Variants in SERAC1 observed in about 807,000 individuals in gnomAD.
The protein encoded by SERAC1 is protein SERAC1.
Under a neutral mutation model 85.7 loss-of-function variants are expected in SERAC1, and 36 were observed. The observed-to-expected ratio is 0.42, with a 90% CI of 0.32 to 0.55. The LOEUF is 0.55. SERAC1 is among the 20% of genes least tolerant of loss of function. The pLI is 0.11. For synonymous variants in SERAC1, 242 were observed against 265.3 expected (o/e 0.91, Z 0.85); for missense variants, 629 against 796.2 (o/e 0.79, Z 2.53).
At chr6:158,123,654 C>G (rs1035303506) in intron 10 of SERAC1, among the ~76,000 whole-genome samples, 4 of 152,174 alleles carry the variant, frequency 2.6e-5, no homozygotes, top group Admixed American at 6.5e-5. Context: ...TGCAATGATT[C>G]CACGTTCAGC....
In SERAC1 at chr6:158,128,156, CA is replaced by C. The variant is rs751547630; in HGVS notation, c.966del (p.Ile322MetfsTer6). On this transcript the variant is annotated frameshift_variant, in exon 10 of 17. Coordinates refer to ENST00000647468, the MANE Select transcript of SERAC1 (RefSeq NM_032861.4). LOFTEE classifies it high-confidence loss of function. ...PKVQRNIMRV[I>X]GNMALNEHLH... is the part of the protein sequence containing the mutation. ...AGATGTTCATTCAAAGCCATATTTC[CA>C]ATGACACGCATTATATTTCTCTGTA... is the stretch of plus-strand genomic sequence containing the variant. 6.2e-7 allele frequency: 1 copy of C among 1,614,046 alleles called. No individual in the cohort carries two copies. Among genetic ancestry groups the C allele is most frequent in the Admixed American group, 1.7e-5 (1 of 60,010 alleles).
At chr6:158,164,060 C>T (rs1415228508) in intron 1 of SERAC1, among the ~76,000 whole-genome samples, 3 of 151,836 alleles carry the variant, frequency 2.0e-5, no homozygotes, top group Non-Finnish European at 2.9e-5. Flanking sequence ...TAAAGTAAGT[C>T]TTGAAGCTAG....
intron 3 of SERAC1, among the ~76,000 whole-genome samples, chr6:158,154,655 C>T (rs1402299335): frequency 6.6e-6 from 1 of 152,176 alleles, no homozygotes; most frequent in Non-Finnish European, 1.5e-5. Flanking sequence ...ACACATGCTC[C>T]TGAGGGAGCA....
intron 3 of SERAC1, among the ~76,000 whole-genome samples, chr6:158,154,938 T>C (rs1325776467): frequency 1.3e-5 from 2 of 151,948 alleles, no homozygotes; most frequent in East Asian, 3.9e-4. Flanking sequence ...CGGAGCTGAG[T>C]GAGTGCCTGA....
chr6:158,123,991 T>C (rs775132539), intron 10 of SERAC1, among the ~76,000 whole-genome samples: 26 of 152,122 alleles, frequency 1.7e-4, no homozygotes, highest in Non-Finnish European at 3.8e-4. Flanking sequence ...AGGTTCAATG[T>C]ATGACTTAGG....
At chr6:158,156,012 G>GGATAATTACA (rs1554265106) in intron 2 of SERAC1, among the ~76,000 whole-genome samples, 1 of 152,076 alleles carries the variant, frequency 6.6e-6, no homozygotes. Flanking sequence ...ATCCAGGCAT[G>GGATAATTACA]GTGGCGCATG....
At chr6:158,143,274 T>A (rs1387921352) in intron 7 of SERAC1, 90 bp from the exon 8 acceptor site, 2 of 1,499,324 alleles carry the variant, frequency 1.3e-6, no homozygotes, top group African/African-American at 2.8e-5. Flanking sequence ...ATATTTGCCA[T>A]ATATATCAAA....
intron 10 of SERAC1, among the ~76,000 whole-genome samples, chr6:158,127,165 A>G (rs1784558550): frequency 6.6e-6 from 1 of 152,176 alleles, no homozygotes; most frequent in African/African-American, 2.4e-5. Flanking sequence ...ATCTCAAGCA[A>G]TTCCTTGCCT....
At chr6:158,145,332 T>G (rs1451141310) in intron 6 of SERAC1, 2 of 152,166 alleles carry the variant, frequency 1.3e-5, no homozygotes, top group Non-Finnish European at 2.9e-5. Context: ...CTTCCTCTGA[T>G]TTCTCTGATA....
At chr6:158,124,748 A>AACACACAC (rs201023302) in intron 10 of SERAC1, among the ~76,000 whole-genome samples, 62 of 131,474 alleles carry the variant, frequency 4.7e-4, no homozygotes, top group Middle Eastern at 3.7e-3. Context: ...AATGCTGGAA[A>AACACACAC]ACACACACAC....
chr6:158,156,359 A>C (rs1336842339), intron 2 of SERAC1, among the ~76,000 whole-genome samples: 1 of 152,148 alleles, frequency 6.6e-6, no homozygotes, highest in Non-Finnish European at 1.5e-5. Flanking sequence ...CTCTGTAGCT[A>C]GGGCTAACAG....
chr6:158,145,522 CTT>C (rs770977567), intron 6 of SERAC1, among the ~76,000 whole-genome samples: 15 of 129,172 alleles, frequency 1.2e-4, no homozygotes, highest in Admixed American at 2.4e-4. Flanking sequence ...GAGAATTTTT[CTT>C]TTTTTTTTTT....
intron 16 of SERAC1, chr6:158,111,704 C>T (rs898090867): frequency 2.3e-6 from 1 of 431,708 alleles, no homozygotes. Context: ...GTCAGTAGAA[C>T]CATAGTTTTA....
chr6:158,152,062 T>C (rs2128422887), intron 3 of SERAC1, among the ~76,000 whole-genome samples: 1 of 152,244 alleles, frequency 6.6e-6, no homozygotes, highest in African/African-American at 2.4e-5. Context: ...AGGTTAATTA[T>C]TGAAGAAAAA....
intron 1 of SERAC1, among the ~76,000 whole-genome samples, 182 bp downstream of exon 1, chr6:158,167,958 G>A (rs1217742762): frequency 6.6e-6 from 1 of 151,460 alleles, no homozygotes; most frequent in African/African-American, 2.4e-5. Flanking sequence ...TCAGGCTCGC[G>A]ACCACCAGAG....
chr6:158,153,983 A>AAAT (rs140381358), intron 3 of SERAC1, among the ~76,000 whole-genome samples: 111 of 150,834 alleles, frequency 7.4e-4, no homozygotes, highest in African/African-American at 1.9e-3. Context: ...ATACAAATAC[A>AAAT]AATAATAATA....
At chr6:158,147,805 A>G (rs1391682397) in intron 5 of SERAC1, among the ~76,000 whole-genome samples, 1 of 145,238 alleles carries the variant, frequency 6.9e-6, no homozygotes, top group African/African-American at 2.5e-5. Context: ...AAAAAAGAAT[A>G]ACATCCATAC....
At position 158,133,378 on chromosome 6, in the gene SERAC1, A is replaced by ATT. The variant is rs767768720; in HGVS notation, c.739-2894_739-2893dup. On this transcript the variant is annotated intron_variant, in intron 8 of 16. Coordinates refer to ENST00000647468, the MANE Select transcript of SERAC1 (RefSeq NM_032861.4). ...ATAAAAGAGCTAATCTCTGGTGTTAATTTTTTTTTTTTTTTTTTTTTTTTT... is the reference window on the plus strand; with the variant it reads ...ATAAAAGAGCTAATCTCTGGTGTTAATTTTTTTTTTTTTTTTTTTTTTTTTTT... Among the ~76,000 whole-genome samples the ATT allele has an allele frequency of 5.9e-3, 393 of 66,408 alleles. 2 individuals carry two copies. The highest frequency in any genetic ancestry group is 0.011 in the African/African-American group (150 of 13,306). 43.6% of individuals were successfully genotyped at this position (66,408 alleles called of 152,430 possible).
At chr6:158,133,749 G>A (rs1195097920) in intron 8 of SERAC1, among the ~76,000 whole-genome samples, 1 of 152,088 alleles carries the variant, frequency 6.6e-6, no homozygotes. Context: ...CAAACTAACT[G>A]GGCTTTAAAA....
Sources: allele counts gnomAD v4.1 joint callset (sites outside exome capture counted in the v4.1 genomes callset), GRCh38; gene constraint gnomAD v4.1.1; transcripts MANE v1.5; gene names NCBI Gene and HGNC (gene_info 2026-07-23, HGNC 2026-07-21).